LYG2: variants seen among roughly 807,000 people sequenced by gnomAD.
LYG2 encodes the protein lysozyme g2.
A neutral mutation model predicts 22.4 loss-of-function variants in LYG2; 25 were observed. The observed-to-expected ratio is 1.12, with a 90% CI of 0.81 to 1.56. The LOEUF is 1.56. Among genes scored for constraint, LYG2 ranks in the 40% most tolerant of loss-of-function variants. The probability of loss-of-function intolerance (pLI) is 0.00; values close to 1 mark genes in which losing one functional copy is unlikely to be tolerated. For missense variants in LYG2, 266 were observed against 269.5 expected (o/e 0.99, Z 0.09); for synonymous variants, 88 against 97.0 (o/e 0.91, Z 0.55).
chr2:99,246,712 G>A lies in LYG2; in HGVS notation c.152C>T (p.Ala51Val), dbSNP rs1017464247. ...GDIMTMKTSG[A>V]TCDANSVMNC... ...CATCACACTGTTTGCATCACAAGTG[G>A]CCCCAGAGGTCTTCATGGTCATGAT... The change falls in exon 4 of 7, where the codon GCC (alanine) becomes GTC (valine). Residue 51 changes from alanine to valine, a missense_variant. Transcript: ENST00000333017. The A allele has an allele frequency of 6.2e-7, 1 of 1,614,048 alleles. No individual in the cohort carries two copies. Among genetic ancestry groups the A allele is most frequent in the Non-Finnish European group, 8.5e-7 (1 of 1,180,004 alleles).
intron 3 of LYG2, among the ~76,000 whole-genome samples, chr2:99,253,031 A>G (rs1255688281): frequency 2.1e-5 from 3 of 141,482 alleles, no homozygotes; most frequent in East Asian, 4.4e-4. Flanking sequence ...CCTGGGCGAC[A>G]GAGCAAGACT....
At chr2:99,244,733 C>T (rs1406644259) in intron 5 of LYG2, among the ~76,000 whole-genome samples, 3 of 152,066 alleles carry the variant, frequency 2.0e-5, no homozygotes, top group Non-Finnish European at 4.4e-5. Context: ...TTATGAAACT[C>T]CTAAAATACT....
intron 6 of LYG2, among the ~76,000 whole-genome samples, chr2:99,243,214 T>C (rs1204002430): frequency 2.0e-5 from 3 of 152,092 alleles, no homozygotes; most frequent in African/African-American, 7.2e-5. Flanking sequence ...AAGAAAGCAA[T>C]CTGGTTTTCA....
intron 3 of LYG2, among the ~76,000 whole-genome samples, chr2:99,252,808 A>C (rs761684835): frequency 1.3e-5 from 2 of 152,080 alleles, no homozygotes; most frequent in East Asian, 3.9e-4. Context: ...GCACTTTGGG[A>C]GGCCAAGGCG....
chr2:99,254,262 G>A lies in LYG2; in HGVS notation c.-2C>T. The A allele has an allele frequency of 6.2e-7, 1 of 1,613,990 alleles. No individual in the cohort carries two copies. The highest frequency in any genetic ancestry group is 8.5e-7 in the Non-Finnish European group (1 of 1,179,900). Reference sequence around the variant, plus strand: ...CCAAAACACCACGGAGGATAACATGGCGGGGAATCTTATCTTCCAGGACCT... The same window carrying A: ...CCAAAACACCACGGAGGATAACATGACGGGGAATCTTATCTTCCAGGACCT... On this transcript the variant is annotated 5_prime_UTR_variant, in exon 3 of 7. Coordinates refer to ENST00000333017, the MANE Select transcript of LYG2 (RefSeq NM_175735.4).
chr2:99,255,935 C>T (rs989721164), upstream of LYG2, among the ~76,000 whole-genome samples: 1 of 152,176 alleles, frequency 6.6e-6, no homozygotes, highest in Non-Finnish European at 1.5e-5. Context: ...GCATATTGTG[C>T]AGCCCCAGGA....
At chr2:99,253,699 C>T (rs1029831876) in intron 3 of LYG2, among the ~76,000 whole-genome samples, 3 of 152,120 alleles carry the variant, frequency 2.0e-5, no homozygotes, top group African/African-American at 7.2e-5. Flanking sequence ...AATCTTTCTT[C>T]CCATCCAGCA....
At chr2:99,245,781 A>T (rs1359957838) in intron 4 of LYG2, among the ~76,000 whole-genome samples, 1 of 152,164 alleles carries the variant, frequency 6.6e-6, no homozygotes, top group East Asian at 1.9e-4. Context: ...TGACTGCAGA[A>T]ACAAACAGAT....
upstream of LYG2, among the ~76,000 whole-genome samples, chr2:99,259,781 C>T (rs2200578): frequency 0.17 from 26,082 of 151,764 alleles, 2,583 homozygotes; most frequent in East Asian, 0.26. Flanking sequence ...TGTTTTTACA[C>T]GCTCTTTTAA....
chr2:99,246,897 C>G (rs1445645925), intron 3 of LYG2, 77 bp from the exon 4 acceptor site: 3 of 1,437,222 alleles, frequency 2.1e-6, no homozygotes, highest in Non-Finnish European at 2.8e-6. Context: ...CATCACTAAA[C>G]CAAAGGCAGA....
At chr2:99,249,761 CAAAAAAA>C (rs70940156) in intron 3 of LYG2, among the ~76,000 whole-genome samples, 972 of 65,358 alleles carry the variant, frequency 0.015, 15 homozygotes, top group African/African-American at 0.052. Context: ...AACTCTGTCT[CAAAAAAA>C]AAAAAAAAAA....
At chr2:99,253,958 T>C (rs1158159460) in intron 3 of LYG2, among the ~76,000 whole-genome samples, 1 of 152,238 alleles carries the variant, frequency 6.6e-6, no homozygotes, top group Admixed American at 6.5e-5. Flanking sequence ...TCCAGCCTGA[T>C]AGGTGCATTG....
At chr2:99,257,243 A>G (rs945270094), upstream of LYG2, among the ~76,000 whole-genome samples, 11 of 152,254 alleles carry the variant, frequency 7.2e-5, no homozygotes, top group South Asian at 4.1e-4. Context: ...GCAAATTAAT[A>G]TAAGTTAACT....
chr2:99,254,237 C>T lies in LYG2; in HGVS notation c.24G>A (p.Trp8Ter). 2.5e-6 allele frequency: 4 copies of T among 1,614,026 alleles called. No individual in the cohort carries two copies. The highest frequency in any genetic ancestry group is 3.4e-6 in the Non-Finnish European group (4 of 1,179,982). Residue 8 changes from tryptophan (W) to a stop codon, truncating the protein, a stop_gained, in exon 3 of 7, where the codon TGG becomes TGA. Coordinates refer to ENST00000333017, the MANE Select transcript of LYG2 (RefSeq NM_175735.4). LOFTEE classifies it high-confidence loss of function. The stretch of plus-strand genomic sequence containing the variant: ...ACTTACCAATGAGGGCAATTAGTCC[C>T]CAAAACACCACGGAGGATAACATGG... MLSSVVF[W>*]GLIALIGTSR...
At chr2:99,250,370 ACT>A (rs1401074584) in intron 3 of LYG2, among the ~76,000 whole-genome samples, 2 of 145,004 alleles carry the variant, frequency 1.4e-5, no homozygotes, top group Non-Finnish European at 3.0e-5. Context: ...GCATTTTCCA[ACT>A]CTTTTTTTTT....
At chr2:99,250,886 A>C (rs1045075853) in intron 3 of LYG2, among the ~76,000 whole-genome samples, 11 of 152,268 alleles carry the variant, frequency 7.2e-5, no homozygotes, top group Admixed American at 3.3e-4. Flanking sequence ...TGCTACGTCC[A>C]CAGTGGAGCA....
chr2:99,260,809 G>T, the LYG2 span, among the ~76,000 whole-genome samples: 2 of 152,152 alleles, frequency 1.3e-5, no homozygotes, highest in Non-Finnish European at 2.9e-5. Context: ...AGAAAGAAAA[G>T]AGAAAAAAAT....
At chr2:99,252,543 G>A (rs1400948194) in intron 3 of LYG2, among the ~76,000 whole-genome samples, 1 of 152,124 alleles carries the variant, frequency 6.6e-6, no homozygotes, top group Non-Finnish European at 1.5e-5. Context: ...TTGGCACAAA[G>A]TAGACATTTA....
chr2:99,253,363 A>C (rs1009174187), intron 3 of LYG2, among the ~76,000 whole-genome samples: 2 of 152,220 alleles, frequency 1.3e-5, no homozygotes, highest in Non-Finnish European at 2.9e-5. Flanking sequence ...ATCTAAAAAG[A>C]GTAAAAATTT....
Sources: gnomAD v4.1 joint callset for allele counts (sites outside exome capture counted in the v4.1 genomes callset) on GRCh38, gnomAD v4.1.1 for gene constraint, MANE v1.5 for transcripts, NCBI Gene and HGNC (gene_info 2026-07-23, HGNC 2026-07-21) for gene names.